MRPS27: variants seen among roughly 807,000 people sequenced by gnomAD.
MRPS27 encodes the protein mitochondrial ribosomal protein S27.
MRPS27 carries 43 observed loss-of-function variants against 48.9 expected under a neutral mutation model. The observed-to-expected ratio is 0.88, with a 90% confidence interval of 0.69 to 1.13. MRPS27 has a LOEUF of 1.13. Among genes scored for constraint, MRPS27 ranks in the 50% most tolerant of loss-of-function variants. The pLI, the probability that MRPS27 is intolerant of heterozygous loss-of-function variation, is 0.00. For synonymous variants in MRPS27, 188 were observed against 171.9 expected, an observed-to-expected ratio of 1.09 and a Z score of -0.73; for missense variants, 467 against 476.3, an observed-to-expected ratio of 0.98 and a Z score of 0.18.
chr5:72,238,853 T>C (rs972448967), intron 4 of MRPS27, among the ~76,000 whole-genome samples: 4 of 152,164 alleles, frequency 2.6e-5, no homozygotes, highest in Non-Finnish European at 5.9e-5. Context: ...TTCCAAATGC[T>C]GCTTTTTCCT....
In MRPS27 at chr5:72,234,175, T is replaced by C. The variant is rs1554057195; in HGVS notation, c.419A>G (p.Asp140Gly). The C allele has an allele frequency of 6.6e-7, 1 of 1,507,714 alleles. No homozygotes were observed. Among genetic ancestry groups the C allele is most frequent in the Non-Finnish European group, 8.8e-7 (1 of 1,132,710 alleles). 93.4% of individuals were successfully genotyped at this position (1,507,714 alleles called of 1,614,324 possible). The change falls in exon 6 of 11, where the codon GAT (aspartate) becomes GGT (glycine). Residue 140 changes from aspartate to glycine, a missense_variant. Coordinates refer to ENST00000261413, the MANE Select transcript of MRPS27 (RefSeq NM_015084.3). ...VNKVQYGIFP[D>G]NFTFNLLMDS... ...CATCAGTAAATTGAATGTAAAGTTA[T>C]CTGGAAAAATTCCATATTGAACCTA...
At chr5:72,312,723 C>T (rs1022063575) in intron 2 of MRPS27, among the ~76,000 whole-genome samples, 1 of 150,876 alleles carries the variant, frequency 6.6e-6, no homozygotes, top group East Asian at 2.0e-4. Flanking sequence ...CGGGTTCAAG[C>T]GATTCTCCTG....
At chr5:72,226,634 G>A (rs868356342) in intron 8 of MRPS27, among the ~76,000 whole-genome samples, 1 of 151,444 alleles carries the variant, frequency 6.6e-6, no homozygotes, top group African/African-American at 2.4e-5. Context: ...GTCAACATCC[G>A]ACAACTTTCC....
intron 4 of MRPS27, among the ~76,000 whole-genome samples, chr5:72,259,244 G>A (rs374031265): frequency 1.2e-3 from 180 of 152,218 alleles, no homozygotes; most frequent in African/African-American, 4.1e-3. Flanking sequence ...TGAGGCAGGT[G>A]GATCACCTGA....
intron 4 of MRPS27, among the ~76,000 whole-genome samples, chr5:72,264,751 C>T (rs1315770687): frequency 1.3e-5 from 2 of 152,206 alleles, no homozygotes; most frequent in East Asian, 3.8e-4. Flanking sequence ...ATGGAACAGA[C>T]TCTCCTGTAC....
At chr5:72,273,366 A>C (rs914123970) in intron 4 of MRPS27, among the ~76,000 whole-genome samples, 1 of 152,250 alleles carries the variant, frequency 6.6e-6, no homozygotes, top group Non-Finnish European at 1.5e-5. Context: ...GTAAGAGAAG[A>C]TAATAAAACC....
intron 4 of MRPS27, among the ~76,000 whole-genome samples, chr5:72,293,774 T>C (rs2112057690): frequency 6.6e-6 from 1 of 152,342 alleles, no homozygotes; most frequent in Non-Finnish European, 1.5e-5. Flanking sequence ...TATGGCACTG[T>C]ATCTCACAGG....
At chr5:72,295,391 C>T (rs1242242585) in intron 4 of MRPS27, 140 bp downstream of exon 4, 8 of 579,086 alleles carry the variant, frequency 1.4e-5, no homozygotes, top group Non-Finnish European at 2.4e-5. Context: ...AAATCAGAAA[C>T]TCTCTCTATA....
intron 10 of MRPS27, 60 bp from the exon 11 acceptor site, chr5:72,221,208 AG>A: frequency 6.3e-7 from 1 of 1,579,236 alleles, no homozygotes; most frequent in African/African-American, 1.4e-5. Flanking sequence ...AAAGATACAA[AG>A]AGGAAAAACT....
rs539284854 is a variant in MRPS27 at position 72,274,732 on chromosome 5, T to C, written c.281+20799A>G. ...TGAGTGGCAGCAGAGTAGGACTCTT[T>C]ACATGAGCATCACCACAAACACACA... On this transcript the variant is annotated intron_variant, in intron 4 of 10. Transcript: ENST00000261413. Among the ~76,000 whole-genome samples the C allele has an allele frequency of 1.1e-4, 16 of 152,324 alleles. 1 individual carries two copies. Among genetic ancestry groups the C allele is most frequent in the South Asian group, 8.3e-4 (4 of 4,822 alleles).
At chr5:72,283,391 A>G (rs943578736) in intron 4 of MRPS27, among the ~76,000 whole-genome samples, 1 of 152,054 alleles carries the variant, frequency 6.6e-6, no homozygotes, top group Non-Finnish European at 1.5e-5. Flanking sequence ...ACTGCTTAGG[A>G]AAAAAAACTG....
chr5:72,308,531 C>A (rs1371737731), intron 2 of MRPS27, among the ~76,000 whole-genome samples: 6 of 152,206 alleles, frequency 3.9e-5, no homozygotes, highest in African/African-American at 1.2e-4. Flanking sequence ...CCGACAGCCC[C>A]GCGCCCACTC....
intron 5 of MRPS27, among the ~76,000 whole-genome samples, chr5:72,235,613 A>G (rs1748182394): frequency 6.6e-6 from 1 of 152,178 alleles, no homozygotes; most frequent in African/African-American, 2.4e-5. Flanking sequence ...CAGGGAGTAC[A>G]TAGAAAATCT....
In MRPS27 at chr5:72,219,642, C is replaced by G. The variant is rs930453715; in HGVS notation, c.*1267G>C. On this transcript the variant is annotated 3_prime_UTR_variant, in exon 11 of 11. Transcript: ENST00000261413. ...ATAGTAAGCAAAATCTGCTCTGAAC[C>G]CTTTCACAGAAGAGACACTTCAGAA... 6.6e-6 allele frequency: 1 copy of G among 152,186 alleles called. No homozygotes were observed. Among genetic ancestry groups the G allele is most frequent in the African/African-American group, 2.4e-5 (1 of 41,448 alleles). 9.4% of individuals were successfully genotyped at this position (152,186 alleles called of 1,614,324 possible).
intron 2 of MRPS27, among the ~76,000 whole-genome samples, chr5:72,308,253 A>G (rs1393123211): frequency 6.6e-6 from 1 of 152,226 alleles, no homozygotes; most frequent in Non-Finnish European, 1.5e-5. Context: ...GCCCACTCCG[A>G]GAGGCCAGAA....
intron 4 of MRPS27, among the ~76,000 whole-genome samples, chr5:72,280,416 A>G (rs965697428): frequency 6.6e-6 from 1 of 152,178 alleles, no homozygotes; most frequent in Non-Finnish European, 1.5e-5. Context: ...ATTTTTTTTA[A>G]AAAAAGAATA....
chr5:72,308,939 T>G (rs1750360540), intron 2 of MRPS27, among the ~76,000 whole-genome samples: 1 of 152,164 alleles, frequency 6.6e-6, no homozygotes, highest in Non-Finnish European at 1.5e-5. Context: ...AGGCAGGCAT[T>G]ACCATCATCT....
intron 2 of MRPS27, among the ~76,000 whole-genome samples, chr5:72,313,203 C>T (rs1480149776): frequency 6.6e-6 from 1 of 152,088 alleles, no homozygotes; most frequent in Non-Finnish European, 1.5e-5. Flanking sequence ...AGGATGAGAT[C>T]TTTGAAAATC....
chr5:72,297,998 T>G (rs1750025166), intron 2 of MRPS27, among the ~76,000 whole-genome samples: 1 of 152,174 alleles, frequency 6.6e-6, no homozygotes, highest in African/African-American at 2.4e-5. Flanking sequence ...TCAGAAAGAA[T>G]TTATGACTAA....
Sources: allele counts gnomAD v4.1 joint callset (sites outside exome capture counted in the v4.1 genomes callset), GRCh38; gene constraint gnomAD v4.1.1; transcripts MANE v1.5; gene names NCBI Gene and HGNC (gene_info 2026-07-23, HGNC 2026-07-21).